TSACC: variants seen among roughly 807,000 people sequenced by gnomAD.
The protein encoded by TSACC is TSSK6 activating cochaperone.
Under a neutral mutation model 6.9 loss-of-function variants are expected in TSACC, and 3 were observed. The observed-to-expected ratio is 0.43, with a 90% CI of 0.20 to 1.12. The LOEUF is 1.12. TSACC is among the 50% of genes most tolerant of loss of function. TSACC has a pLI of 0.28. For missense variants in TSACC, 137 were observed against 143.9 expected (o/e 0.95, Z 0.24); for synonymous variants, 54 against 55.1 (o/e 0.98, Z 0.09).
At chr1:156,345,992 G>A (rs1402424664) in intron 3 of TSACC, among the ~76,000 whole-genome samples, 2 of 151,590 alleles carry the variant, frequency 1.3e-5, no homozygotes, top group African/African-American at 4.8e-5. Flanking sequence ...TCAGGAGTTC[G>A]AGACCAGCCT....
upstream of TSACC, chr1:156,338,448 C>T (rs1177876077): frequency 3.6e-6 from 2 of 562,444 alleles, no homozygotes; most frequent in Non-Finnish European, 3.2e-6. Context: ...ACTGGGAGGG[C>T]ACAGGCGCTT....
intron 3 of TSACC, 79 bp downstream of exon 3, chr1:156,344,787 T>G: frequency 6.5e-7 from 1 of 1,533,810 alleles, no homozygotes; most frequent in African/African-American, 1.4e-5. Flanking sequence ...AGCTGTCGCC[T>G]ATTGATCAAG....
upstream of TSACC, chr1:156,337,926 C>G: frequency 1.8e-6 from 1 of 567,978 alleles, no homozygotes; most frequent in Non-Finnish European, 3.1e-6. Context: ...AAGACGAGCA[C>G]ACGTCAAGGA....
intron 2 of TSACC, among the ~76,000 whole-genome samples, chr1:156,341,859 C>T (rs968939084): frequency 1.3e-5 from 2 of 151,948 alleles, no homozygotes; most frequent in African/African-American, 4.8e-5. Flanking sequence ...GTCAGGAGAT[C>T]GAGACCATCC....
upstream of TSACC, chr1:156,338,080 C>T: frequency 1.3e-6 from 2 of 1,508,718 alleles, no homozygotes; most frequent in Non-Finnish European, 1.8e-6. Flanking sequence ...GGGGACGGAG[C>T]TGGGGCAACA....
At chr1:156,342,928 C>T (rs984028026) in intron 2 of TSACC, among the ~76,000 whole-genome samples, 3 of 152,214 alleles carry the variant, frequency 2.0e-5, no homozygotes, top group Non-Finnish European at 4.4e-5. Context: ...TTAATTCTTA[C>T]CTAGTTCCAG....
intron 2 of TSACC, among the ~76,000 whole-genome samples, chr1:156,343,580 A>C (rs1414906776): frequency 6.6e-6 from 1 of 152,176 alleles, no homozygotes; most frequent in Non-Finnish European, 1.5e-5. Context: ...CTCTGGCCCA[A>C]CTTACCTCAT....
upstream of TSACC, chr1:156,337,632 TA>T (rs1357733909): frequency 6.0e-5 from 10 of 167,012 alleles, no homozygotes; most frequent in Non-Finnish European, 1.3e-4. Flanking sequence ...TGACCAAGGA[TA>T]TTACCTATTT....
intron 2 of TSACC, among the ~76,000 whole-genome samples, chr1:156,341,300 A>T (rs1665870169): frequency 6.6e-6 from 1 of 152,178 alleles, no homozygotes; most frequent in African/African-American, 2.4e-5. Context: ...AAATTTCATG[A>T]CTTAAGTTTC....
intron 2 of TSACC, among the ~76,000 whole-genome samples, chr1:156,344,001 A>G (rs1475875679): frequency 6.6e-6 from 1 of 151,988 alleles, no homozygotes; most frequent in Non-Finnish European, 1.5e-5. Context: ...TGGCCTCCCA[A>G]AGTGCTGGGA....
chr1:156,338,090 A>T, upstream of TSACC: 7 of 1,542,420 alleles, frequency 4.5e-6, no homozygotes, highest in Admixed American at 2.0e-5. Flanking sequence ...CTGGGGCAAC[A>T]CTGAAAAGTA....
intron 2 of TSACC, among the ~76,000 whole-genome samples, chr1:156,343,299 C>T (rs1665995450): frequency 1.3e-5 from 2 of 152,158 alleles, no homozygotes; most frequent in Admixed American, 1.3e-4. Flanking sequence ...GGGAGAGATG[C>T]TGAAATAGCT....
upstream of TSACC, chr1:156,338,467 G>A (rs1024391130): frequency 1.7e-5 from 9 of 537,828 alleles, no homozygotes; most frequent in East Asian, 2.8e-4. Flanking sequence ...TTGCGCAGTA[G>A]GGTGGCCGCT....
upstream of TSACC, chr1:156,338,190 C>G: frequency 2.5e-6 from 4 of 1,587,360 alleles, no homozygotes; most frequent in Non-Finnish European, 3.4e-6. Flanking sequence ...ATCATGGCGA[C>G]GCGATGCAGA....
At chr1:156,344,483 G>A (rs1452889308) in intron 2 of TSACC, 97 bp from the exon 3 acceptor site, 1 of 1,497,486 alleles carries the variant, frequency 6.7e-7, no homozygotes, top group Non-Finnish European at 9.0e-7. Flanking sequence ...TTCACGGCAG[G>A]GCCTGGGCAC....
intron 2 of TSACC, among the ~76,000 whole-genome samples, chr1:156,342,538 C>G (rs1397050411): frequency 6.6e-6 from 1 of 152,190 alleles, no homozygotes; most frequent in African/African-American, 2.4e-5. Flanking sequence ...AGACATTTTC[C>G]TTCATACAAC....
intron 3 of TSACC, among the ~76,000 whole-genome samples, chr1:156,345,857 G>A (rs563455338): frequency 8.8e-5 from 13 of 148,450 alleles, no homozygotes; most frequent in African/African-American, 2.7e-4. Flanking sequence ...ACAGAGCAAG[G>A]CTCCATTGAA....
At chr1:156,346,164 A>G (rs1247092299) in intron 3 of TSACC, among the ~76,000 whole-genome samples, 2 of 149,378 alleles carry the variant, frequency 1.3e-5, no homozygotes, top group Non-Finnish European at 1.5e-5. Flanking sequence ...ATTGTACTCT[A>G]GCCTGGGTGA....
intron 3 of TSACC, 25 bp from the exon 4 acceptor site, chr1:156,346,743 A>G (rs748494113): frequency 6.2e-7 from 1 of 1,609,148 alleles, no homozygotes; most frequent in Non-Finnish European, 8.5e-7. Context: ...GTTCCCTTGC[A>G]CCTCCGTTGC....
Sources: allele counts gnomAD v4.1 joint callset (sites outside exome capture counted in the v4.1 genomes callset), GRCh38; gene constraint gnomAD v4.1.1; transcripts MANE v1.5; gene names NCBI Gene and HGNC (gene_info 2026-07-23, HGNC 2026-07-21).